The following CNTNAP2 variants were observed in gnomAD, a reference collection of about 807,000 sequenced individuals.
CNTNAP2 encodes the protein contactin-associated protein-like 2.
In CNTNAP2, 98 loss-of-function variants were observed where a neutral mutation model predicts 155.2. The observed-to-expected ratio is 0.63, with a 90% CI of 0.54 to 0.75. The LOEUF (loss-of-function observed/expected upper bound fraction) is 0.75. Among genes scored for constraint, CNTNAP2 ranks in the 30% least tolerant of loss-of-function variants. The pLI is 0.00. For missense variants in CNTNAP2, 1,727 were observed against 1,688.1 expected, an observed-to-expected ratio of 1.02 and a Z score of -0.40; for synonymous variants, 651 against 631.2, an observed-to-expected ratio of 1.03 and a Z score of -0.47.
chr7:146,591,028 AAAC>A (rs1053944205), intron 1 of CNTNAP2, among the ~76,000 whole-genome samples: 18 of 152,296 alleles, frequency 1.2e-4, no homozygotes, highest in African/African-American at 3.8e-4. Flanking sequence ...TAGTGAGAGA[AAAC>A]AACCACAGAG....
At chr7:146,613,345 T>C (rs1434727889) in intron 1 of CNTNAP2, among the ~76,000 whole-genome samples, 2 of 152,192 alleles carry the variant, frequency 1.3e-5, no homozygotes, top group Admixed American at 1.3e-4. Flanking sequence ...TAATTTCTTA[T>C]CTCCAAATTT....
At chr7:146,202,114 G>A (rs754472644) in intron 1 of CNTNAP2, among the ~76,000 whole-genome samples, 23 of 152,242 alleles carry the variant, frequency 1.5e-4, no homozygotes, top group Admixed American at 3.3e-4. Context: ...GTCTGGAGAA[G>A]CTGCTAATGG....
chr7:146,484,639 A>AAAAG (rs537490583), intron 1 of CNTNAP2, among the ~76,000 whole-genome samples: 40 of 152,220 alleles, frequency 2.6e-4, no homozygotes, highest in Admixed American at 1.4e-3. Flanking sequence ...AGAAAGAAAG[A>AAAAG]AAAGAAAGAA....
rs575321359 is a variant in CNTNAP2 at position 146,821,097 on chromosome 7, A to T, written c.209-18614A>T. Among the ~76,000 whole-genome samples the T allele has an allele frequency of 2.1e-3, 317 of 152,202 alleles. 2 individuals carry two copies. Among genetic ancestry groups the T allele is most frequent in the African/African-American group, 5.8e-3 (241 of 41,532 alleles). ...TGGGTTTCCTGAATACAGCACACTG[A>T]TGGGTCTTGACTCTTTATCCAATTT... On this transcript the variant is annotated intron_variant, in intron 2 of 23. Transcript: ENST00000361727.
intron 1 of CNTNAP2, among the ~76,000 whole-genome samples, chr7:146,369,144 G>T (rs1795198018): frequency 6.8e-6 from 1 of 147,642 alleles, no homozygotes; most frequent in Non-Finnish European, 1.5e-5. Flanking sequence ...TTTTTCTTTG[G>T]ATCATTTTCC....
Position 147,035,878 on chromosome 7 carries a change from T to A in CNTNAP2, c.403-8029T>A, listed in dbSNP as rs78581729. On this transcript the variant is annotated intron_variant, in intron 3 of 23. Coordinates refer to ENST00000361727, the MANE Select transcript of CNTNAP2 (RefSeq NM_014141.6). ...AATAGTAAATTTGAGAAAAAAAAAA[T>A]GTTAGTTCATGCATCATACATAGCA... is the stretch of plus-strand genomic sequence containing the variant. Among the ~76,000 whole-genome samples the A allele has an allele frequency of 9.3e-4, 40 of 43,132 alleles. 2 individuals carry two copies. In the South Asian group the frequency reaches 0.034, roughly 37 times the overall value. 28.3% of individuals were successfully genotyped at this position (43,132 alleles called of 152,430 possible).
chr7:146,565,764 T>C (rs919271295), intron 1 of CNTNAP2, among the ~76,000 whole-genome samples: 2 of 152,240 alleles, frequency 1.3e-5, no homozygotes, highest in Non-Finnish European at 1.5e-5. Context: ...GAATAAACGA[T>C]GTGAGTGGTT....
intron 22 of CNTNAP2, among the ~76,000 whole-genome samples, chr7:148,395,625 G>A (rs1258014520): frequency 3.9e-5 from 6 of 152,056 alleles, no homozygotes; most frequent in East Asian, 3.9e-4. Flanking sequence ...AGAGCAAAAC[G>A]TCACTTAAGT....
intron 1 of CNTNAP2, among the ~76,000 whole-genome samples, chr7:146,457,005 AT>A (rs33998422): frequency 6.6e-6 from 1 of 152,064 alleles, no homozygotes; most frequent in South Asian, 2.1e-4. Flanking sequence ...ATTTAAATGT[AT>A]TTTTTTCAAA....
chr7:147,894,806 G>A lies in CNTNAP2; in HGVS notation c.2099-8759G>A, dbSNP rs529131766. 2.0e-3 allele frequency among the ~76,000 whole-genome samples: 304 copies of A among 151,864 alleles called. 3 individuals carry two copies. The South Asian group carries it at 0.029, about 14-fold the overall frequency. ...TTACTCTGTGTAGCCCAGAAGTTCC[G>A]AAGAACACATTTTGAAAATCACAGG... On this transcript the variant is annotated intron_variant, in intron 13 of 23. Coordinates refer to ENST00000361727, the MANE Select transcript of CNTNAP2 (RefSeq NM_014141.6).
chr7:147,310,850 C>T (rs1397057598), intron 9 of CNTNAP2, among the ~76,000 whole-genome samples: 1 of 152,120 alleles, frequency 6.6e-6, no homozygotes, highest in African/African-American at 2.4e-5. Flanking sequence ...AGATTGGGCT[C>T]AACTCCAAGT....
At chr7:146,263,263 G>A (rs1343476441) in intron 1 of CNTNAP2, among the ~76,000 whole-genome samples, 1 of 141,174 alleles carries the variant, frequency 7.1e-6, no homozygotes, top group Non-Finnish European at 1.5e-5. Context: ...GGGAGTGAGC[G>A]AGGGAGGGAG....
chr7:146,446,403 G>A (rs1256002929), intron 1 of CNTNAP2, among the ~76,000 whole-genome samples: 1 of 147,820 alleles, frequency 6.8e-6, no homozygotes, highest in Non-Finnish European at 1.5e-5. Context: ...AATGCCCAAG[G>A]CTGAGGGTGT....
intron 1 of CNTNAP2, among the ~76,000 whole-genome samples, chr7:146,332,330 C>G (rs1210798442): frequency 6.6e-6 from 1 of 152,056 alleles, no homozygotes; most frequent in Non-Finnish European, 1.5e-5. Context: ...AAAACTCACA[C>G]ATTCATACTG....
intron 11 of CNTNAP2, among the ~76,000 whole-genome samples, chr7:147,509,930 G>A (rs1386140519): frequency 2.0e-5 from 3 of 151,998 alleles, no homozygotes; most frequent in Non-Finnish European, 4.4e-5. Context: ...TTCTATGTCT[G>A]TATGGTTTTT....
rs545854657 is a variant in CNTNAP2 at position 147,691,368 on chromosome 7, G to T, written c.2098+52062G>T. Among the ~76,000 whole-genome samples, 32 of 152,096 alleles carry T rather than the reference G, an allele frequency of 2.1e-4. No individual in the cohort carries two copies. In the South Asian group the frequency reaches 6.6e-3, roughly 32 times the overall value. On this transcript the variant is annotated intron_variant, in intron 13 of 23. Coordinates refer to ENST00000361727, the MANE Select transcript of CNTNAP2 (RefSeq NM_014141.6). ...TTTGCAGCATTTGTCAATTTCCATGGTATAAATATTCCCTGTGTGGCTTAT... is the reference window on the plus strand; with the variant it reads ...TTTGCAGCATTTGTCAATTTCCATGTTATAAATATTCCCTGTGTGGCTTAT...
intron 13 of CNTNAP2, among the ~76,000 whole-genome samples, chr7:147,776,481 A>G (rs1283526929): frequency 6.6e-6 from 1 of 152,206 alleles, no homozygotes. Context: ...CTGCCCATGC[A>G]CACACGTGGA....
intron 1 of CNTNAP2, among the ~76,000 whole-genome samples, chr7:146,186,209 A>G (rs1414483580): frequency 6.6e-6 from 1 of 152,140 alleles, no homozygotes; most frequent in Non-Finnish European, 1.5e-5. Flanking sequence ...TCTTAATTTT[A>G]TTCAGTGGTG....
intron 1 of CNTNAP2, among the ~76,000 whole-genome samples, chr7:146,223,739 T>C (rs1226042088): frequency 6.6e-6 from 1 of 152,190 alleles, no homozygotes; most frequent in Non-Finnish European, 1.5e-5. Flanking sequence ...CTATGGAAGA[T>C]ATGCAAAGAA....
Sources: allele counts gnomAD v4.1 joint callset (sites outside exome capture counted in the v4.1 genomes callset), GRCh38; gene constraint gnomAD v4.1.1; transcripts MANE v1.5; gene names NCBI Gene and HGNC (gene_info 2026-07-23, HGNC 2026-07-21).